The following RAB8A variants were observed in gnomAD, a reference collection of about 807,000 sequenced individuals.
The protein encoded by RAB8A is ras-related protein Rab-8A.
Under a neutral mutation model 29.2 loss-of-function variants are expected in RAB8A, and 5 were observed. The ratio of observed to expected loss-of-function variants is 0.17; its 90% CI spans 0.09 to 0.36. RAB8A has a LOEUF of 0.36. Ranked by LOEUF, RAB8A falls within the 10% of genes least tolerant of loss-of-function variation. The pLI is 1.00. For synonymous variants in RAB8A, 108 were observed against 99.9 expected, an observed-to-expected ratio of 1.08 and a Z score of -0.49; for missense variants, 171 against 272.2, an observed-to-expected ratio of 0.63 and a Z score of 2.62.
At chr19:16,119,499 C>G (rs1373628019) in intron 2 of RAB8A, among the ~76,000 whole-genome samples, 1 of 152,018 alleles carries the variant, frequency 6.6e-6, no homozygotes, top group Admixed American at 6.5e-5. Context: ...GCCACCACGC[C>G]CGGCCCTACT....
intron 4 of RAB8A, chr19:16,126,100 G>A: frequency 5.2e-6 from 1 of 194,164 alleles, no homozygotes; most frequent in Non-Finnish European, 1.1e-5. Flanking sequence ...CTGGCTGCCG[G>A]CACCTGCAGC....
chr19:16,127,724 C>T lies in RAB8A; in HGVS notation c.414+198C>T, dbSNP rs951667677. 2 of 604,396 alleles carry T rather than the reference C, an allele frequency of 3.3e-6. No homozygotes were observed. The highest frequency in any genetic ancestry group is 3.7e-5 in the African/African-American group (2 of 53,924). The allele number at this position is 604,396 out of a possible 1,614,324, so 37.4% of individuals were successfully genotyped here. A position where few individuals can be genotyped will look rare whatever the true frequency, so the allele number is the denominator to read the frequency against. Reference sequence around the variant, plus strand: ...TCTGCGGGCATCTCATCAAAACCTACCATGGCCCCGCTCCAGACTTTCAAG... The same window carrying T: ...TCTGCGGGCATCTCATCAAAACCTATCATGGCCCCGCTCCAGACTTTCAAG... On this transcript the variant is annotated intron_variant, in intron 5 of 7. Coordinates refer to ENST00000300935, the MANE Select transcript of RAB8A (RefSeq NM_005370.5). The surrounding 1 kb of genome is among the most constrained non-coding windows in gnomAD (Gnocchi z 4.8).
Position 16,127,888 on chromosome 19 carries a change from T to C in RAB8A, c.415-138T>C, listed in dbSNP as rs1240345193. 4 of 824,132 alleles carry C rather than the reference T, an allele frequency of 4.9e-6. No individual in the cohort carries two copies. The highest frequency in any genetic ancestry group is 8.1e-6 in the Non-Finnish European group (4 of 491,050). The allele number at this position is 824,132 out of a possible 1,614,324, so 51.1% of individuals were successfully genotyped here. On this transcript the variant is annotated intron_variant, in intron 5 of 7. Coordinates refer to ENST00000300935, the MANE Select transcript of RAB8A (RefSeq NM_005370.5). This position sits in a 1 kb window ranked among gnomAD's most constrained non-coding sequence, Gnocchi z 4.8. ...ATTCACTATAGAATTGAGGGAGTGA[T>C]CCAGGAAGTCACGCCCACAGCCCCA...
At position 16,127,520 on chromosome 19, in the gene RAB8A, A is replaced by T; in HGVS notation, c.408A>T (p.Gly136=). Residue 136 remains glycine, a synonymous_variant, in exon 5 of 8, where the codon GGA becomes GGT. Transcript: ENST00000300935. This position sits in a 1 kb window ranked among gnomAD's most constrained non-coding sequence, Gnocchi z 4.8. ...AGAGACAAGTTTCCAAGGAACGGGG[A>T]GAAAAGGTGGGCATGGTGGCACAAG... ...NDKRQVSKER[G]EKLALDYGIK... is the part of the protein sequence containing the mutation. 1 of 1,533,220 alleles carries T rather than the reference A, an allele frequency of 6.5e-7. No individual in the cohort carries two copies. The highest frequency in any genetic ancestry group is 8.7e-7 in the Non-Finnish European group (1 of 1,143,848). 95.0% of individuals were successfully genotyped at this position (1,533,220 alleles called of 1,614,324 possible).
In RAB8A at chr19:16,132,557, C is replaced by G. The variant is rs142734528; in HGVS notation, c.*253C>G. 2 of 497,912 alleles carry G rather than the reference C, an allele frequency of 4.0e-6. No individual in the cohort carries two copies. The highest frequency in any genetic ancestry group is 4.2e-5 in the South Asian group (2 of 47,790). 30.8% of individuals were successfully genotyped at this position (497,912 alleles called of 1,614,324 possible). A position where few individuals can be genotyped will look rare whatever the true frequency, so the allele number is the denominator to read the frequency against. ...CATCTGCTGAACGGGCCCACCCACA[C>G]GTTGTATATTCAGAGAGAGAGAGGG... is the stretch of plus-strand genomic sequence containing the variant. On this transcript the variant is annotated 3_prime_UTR_variant, in exon 8 of 8. Coordinates refer to ENST00000300935, the MANE Select transcript of RAB8A (RefSeq NM_005370.5). The surrounding 1 kb of genome is among the most constrained non-coding windows in gnomAD (Gnocchi z 5.6).
At chr19:16,130,068 A>G (rs1029115033) in intron 7 of RAB8A, among the ~76,000 whole-genome samples, 3 of 151,828 alleles carry the variant, frequency 2.0e-5, no homozygotes, top group Non-Finnish European at 2.9e-5. Flanking sequence ...CAGCTCTGCA[A>G]CCTTCATTGT....
At chr19:16,130,057 A>G (rs1284805763) in intron 7 of RAB8A, among the ~76,000 whole-genome samples, 1 of 151,992 alleles carries the variant, frequency 6.6e-6, no homozygotes, top group Non-Finnish European at 1.5e-5. Context: ...ACAAGTTGTG[A>G]CAGCTCTGCA....
chr19:16,131,920 G>A (rs1215150844), intron 7 of RAB8A, among the ~76,000 whole-genome samples: 1 of 149,552 alleles, frequency 6.7e-6, no homozygotes, highest in Non-Finnish European at 1.5e-5. Flanking sequence ...GGGGACAGCT[G>A]GACGGACTGG....
chr19:16,112,225 TTG>T (rs2090827197), intron 1 of RAB8A, 200 bp downstream of exon 1: 1 of 681,918 alleles, frequency 1.5e-6, no homozygotes, highest in African/African-American at 1.8e-5. Context: ...GGTGCCCATT[TTG>T]CAGATAGGGA....
chr19:16,133,411 A>C lies in RAB8A; in HGVS notation c.*1107A>C, dbSNP rs553758268. On this transcript the variant is annotated 3_prime_UTR_variant, in exon 8 of 8. Coordinates refer to ENST00000300935, the MANE Select transcript of RAB8A (RefSeq NM_005370.5). ...AGGGACTGCGACTGGGACCAGGTCA[A>C]CCACGCCAGGGGGGTGTCACCAGCC... The C allele has an allele frequency of 6.6e-6, 1 of 151,548 alleles. No homozygotes were observed. The highest frequency in any genetic ancestry group is 6.6e-5 in the Admixed American group (1 of 15,220). The allele number at this position is 151,548 out of a possible 1,614,324, so 9.4% of individuals were successfully genotyped here.
rs776928853 is a variant in RAB8A at position 16,129,583 on chromosome 19, A to G, written c.510A>G (p.Lys170=). The change falls in exon 7 of 8, where the codon AAA becomes AAG. Residue 170 remains lysine (K), a synonymous_variant. Transcript: ENST00000300935. ...NAFFTLARDI[K]AKMDKKLEGN... is the part of the protein sequence containing the mutation. ...TTTTCACTCTCGCCAGAGATATCAA[A>G]GCAAAAATGGACAAAAAATTGGTGA... The G allele has an allele frequency of 6.2e-7, 1 of 1,614,106 alleles. No homozygotes were observed. Among genetic ancestry groups the G allele is most frequent in the Admixed American group, 1.7e-5 (1 of 60,014 alleles).
rs753016512 is a variant in RAB8A at position 16,121,760 on chromosome 19, G to T, written c.196G>T (p.Gly66Cys). ...RIKLQIWDTAGQERFRTITTA... is the reference protein window; with the variant it reads ...RIKLQIWDTACQERFRTITTA... ...TCTCTTCATGTTTAGGGACACAGCC[G>T]GTCAGGAACGGTTTCGGACGATCAC... The change falls in exon 3 of 8, where the codon GGT becomes TGT. Residue 66 changes from glycine (G) to cysteine (C), a missense_variant. This residue lies in a region of RAB8A where 145 missense variants were observed against 212.8 expected (regional missense o/e 0.68). Coordinates refer to ENST00000300935, the MANE Select transcript of RAB8A (RefSeq NM_005370.5). 1 of 1,613,850 alleles carries T rather than the reference G, an allele frequency of 6.2e-7. No individual in the cohort carries two copies. Among genetic ancestry groups the T allele is most frequent in the Non-Finnish European group, 8.5e-7 (1 of 1,179,756 alleles).
chr19:16,122,770 G>A lies in RAB8A; in HGVS notation c.246+960G>A, dbSNP rs762341082. On this transcript the variant is annotated intron_variant, in intron 3 of 7. Coordinates refer to ENST00000300935, the MANE Select transcript of RAB8A (RefSeq NM_005370.5). The surrounding 1 kb of genome is among the most constrained non-coding windows in gnomAD (Gnocchi z 4.7). ...GTTTAGAGCATCCCACACGGCATCC[G>A]AAACCTCATGGCAACCCACTCGTGT... 2.0e-4 allele frequency among the ~76,000 whole-genome samples: 30 copies of A among 152,140 alleles called. No homozygotes were observed. The highest frequency in any genetic ancestry group is 7.2e-4 in the Admixed American group (11 of 15,278).
intron 7 of RAB8A, among the ~76,000 whole-genome samples, chr19:16,131,068 C>T: frequency 6.6e-6 from 1 of 152,116 alleles, no homozygotes. Context: ...AGGTGATCCA[C>T]CTGCCTCGGC....
At chr19:16,119,803 G>GT (rs58523657) in intron 2 of RAB8A, among the ~76,000 whole-genome samples, 23,800 of 147,428 alleles carry the variant, frequency 0.16, 1,975 homozygotes, top group Non-Finnish European at 0.19. Context: ...AAAATGACTG[G>GT]TTTTTTTTTT....
At chr19:16,118,359 C>G in intron 2 of RAB8A, 73 bp downstream of exon 2, 1 of 1,381,286 alleles carries the variant, frequency 7.2e-7, no homozygotes, top group South Asian at 1.2e-5. Context: ...GGCCTTCTCC[C>G]TCCACCGTCC....
chr19:16,112,210 G>A (rs939709969), intron 1 of RAB8A, among the ~76,000 whole-genome samples, 185 bp downstream of exon 1: 3 of 152,146 alleles, frequency 2.0e-5, no homozygotes, highest in Non-Finnish European at 4.4e-5. Flanking sequence ...TGGTGGGGGA[G>A]ACCAGGTGCC....
Position 16,127,606 on chromosome 19 carries a change from G to A in RAB8A, c.414+80G>A. 8.7e-7 allele frequency: 1 copy of A among 1,150,006 alleles called. No homozygotes were observed. The highest frequency in any genetic ancestry group is 1.2e-6 in the Non-Finnish European group (1 of 835,138). The allele number at this position is 1,150,006 out of a possible 1,614,324, so 71.2% of individuals were successfully genotyped here. ...AGAGGCCTTCCCCTGTCCCTCCTCT[G>A]CCCCAGGGGCCTGAGACGAGTTGGT... On this transcript the variant is annotated intron_variant, in intron 5 of 7. Transcript: ENST00000300935. The surrounding 1 kb of genome is among the most constrained non-coding windows in gnomAD (Gnocchi z 4.8).
chr19:16,132,398 C>G lies in RAB8A; in HGVS notation c.*94C>G. On this transcript the variant is annotated 3_prime_UTR_variant, in exon 8 of 8. Coordinates refer to ENST00000300935, the MANE Select transcript of RAB8A (RefSeq NM_005370.5). The surrounding 1 kb of genome is among the most constrained non-coding windows in gnomAD (Gnocchi z 5.6). ...TCAGCCGGGGCCCTCCCACCTCCAA[C>G]GCCCCGCCCACGCCGCGGCCACCGG... 1 of 1,279,286 alleles carries G rather than the reference C, an allele frequency of 7.8e-7. No homozygotes were observed. Among genetic ancestry groups the G allele is most frequent in the South Asian group, 1.3e-5 (1 of 77,662 alleles). The allele number at this position is 1,279,286 out of a possible 1,614,324, so 79.2% of individuals were successfully genotyped here. A position where few individuals can be genotyped will look rare whatever the true frequency, so the allele number is the denominator to read the frequency against.
Sources: allele counts gnomAD v4.1 joint callset (sites outside exome capture counted in the v4.1 genomes callset), GRCh38; gene constraint gnomAD v4.1.1; regional missense constraint gnomAD v4.1.1; non-coding constraint Gnocchi (gnomAD v3.1); transcripts MANE v1.5; gene names NCBI Gene and HGNC (gene_info 2026-07-23, HGNC 2026-07-21).